Variants in GALNTL6 observed in about 807,000 individuals in gnomAD.
GALNTL6 encodes the protein polypeptide N-acetylgalactosaminyltransferase like 6.
Under a neutral mutation model 73.7 loss-of-function variants are expected in GALNTL6, and 46 were observed. The ratio of observed to expected loss-of-function variants is 0.62; its 90% CI spans 0.49 to 0.80. The LOEUF is 0.80. GALNTL6 is among the 30% of genes least tolerant of loss of function. GALNTL6 has a pLI of 0.00. For synonymous variants in GALNTL6, 259 were observed against 263.7 expected (o/e 0.98, Z 0.17); for missense variants, 604 against 755.0 (o/e 0.80, Z 2.34).
intron 3 of GALNTL6, among the ~76,000 whole-genome samples, chr4:172,280,707 T>C (rs1739015076): frequency 1.3e-5 from 2 of 152,144 alleles, no homozygotes; most frequent in South Asian, 4.1e-4. Context: ...AAGGACTTTA[T>C]TGCAAGAGTT....
In GALNTL6 at chr4:172,432,120, A is replaced by AT. The variant is rs1174151657; in HGVS notation, c.553+83432dup. On this transcript the variant is annotated intron_variant, in intron 5 of 12. Transcript: ENST00000506823. ...AGACACTCATATTTACCTCTATCAC[A>AT]TATCATAATAGAATTCTTGAGTCAG... Among the ~76,000 whole-genome samples, 4 of 152,092 alleles carry AT rather than the reference A, an allele frequency of 2.6e-5. No individual in the cohort carries two copies. The South Asian group carries it at 6.2e-4, about 24-fold the overall frequency.
intron 2 of GALNTL6, among the ~76,000 whole-genome samples, chr4:171,971,440 T>G (rs1739566232): frequency 2.6e-5 from 4 of 152,324 alleles, no homozygotes; most frequent in Admixed American, 2.6e-4. Context: ...TATTTTGAAT[T>G]TATAATTGGG....
intron 5 of GALNTL6, among the ~76,000 whole-genome samples, chr4:172,512,802 G>A (rs958187643): frequency 2.0e-5 from 3 of 152,218 alleles, no homozygotes. Context: ...GGTTTCTGCT[G>A]AGAAATCTGC....
chr4:172,229,530 T>C (rs1736982032), intron 2 of GALNTL6, 126 bp from the exon 3 acceptor site: 2 of 612,990 alleles, frequency 3.3e-6, no homozygotes, highest in East Asian at 5.5e-5. Flanking sequence ...TTCTTTTCAT[T>C]ATACTCAGAA....
rs1732273338 is a variant in GALNTL6, at chr4:172,453,163, T to C, written c.553+104474T>C. Among the ~76,000 whole-genome samples the C allele has an allele frequency of 2.0e-5, 3 of 151,948 alleles. 1 individual carries two copies. The South Asian group carries it at 6.2e-4, about 31-fold the overall frequency. On this transcript the variant is annotated intron_variant, in intron 5 of 12. Coordinates refer to ENST00000506823, the MANE Select transcript of GALNTL6 (RefSeq NM_001034845.3). ...GTTGCAGTGAGCTGAGATCCCGCCA[T>C]TGCATTCCAGCCTGGGTGACAGCAC...
At chr4:172,736,525 T>A (rs1736471535) in intron 5 of GALNTL6, among the ~76,000 whole-genome samples, 1 of 152,202 alleles carries the variant, frequency 6.6e-6, no homozygotes, top group South Asian at 2.1e-4. Flanking sequence ...ACAAACAATT[T>A]GTGCAGATAA....
chr4:172,707,173 T>A (rs1734407260), intron 5 of GALNTL6, among the ~76,000 whole-genome samples: 1 of 152,216 alleles, frequency 6.6e-6, no homozygotes, highest in African/African-American at 2.4e-5. Context: ...TTTTTCATTT[T>A]TCTGTGGCCC....
intron 5 of GALNTL6, among the ~76,000 whole-genome samples, chr4:172,609,247 T>G (rs1267785932): frequency 6.6e-6 from 1 of 152,140 alleles, no homozygotes; most frequent in Non-Finnish European, 1.5e-5. Context: ...TATTTCTAGA[T>G]TTTGCCCATT....
intron 5 of GALNTL6, among the ~76,000 whole-genome samples, chr4:172,772,390 G>C (rs1423540274): frequency 6.6e-6 from 1 of 152,118 alleles, no homozygotes; most frequent in East Asian, 1.9e-4. Context: ...TTGGTTTTGT[G>C]GGTGATAAGA....
chr4:171,941,362 C>T (rs1001640581), intron 2 of GALNTL6, among the ~76,000 whole-genome samples: 1 of 152,204 alleles, frequency 6.6e-6, no homozygotes, highest in African/African-American at 2.4e-5. Context: ...AAACCATTAA[C>T]CTTGCAATAT....
chr4:171,948,962 T>TACACAC (rs3080339), intron 2 of GALNTL6, among the ~76,000 whole-genome samples: 1 of 123,586 alleles, frequency 8.1e-6, no homozygotes, highest in African/African-American at 2.6e-5. Context: ...CATATATATA[T>TACACAC]ACACACACAC....
chr4:172,222,005 GT>G (rs1736691841), intron 2 of GALNTL6, among the ~76,000 whole-genome samples: 2 of 151,782 alleles, frequency 1.3e-5, no homozygotes, highest in Non-Finnish European at 3.0e-5. Flanking sequence ...AGAAGCTTCT[GT>G]TTACTAACAA....
chr4:172,193,821 C>T (rs928046574), intron 2 of GALNTL6, among the ~76,000 whole-genome samples: 2 of 152,108 alleles, frequency 1.3e-5, no homozygotes, highest in Non-Finnish European at 2.9e-5. Context: ...TGAGATCGGG[C>T]CACTCACTCC....
intron 5 of GALNTL6, among the ~76,000 whole-genome samples, chr4:172,447,620 G>A (rs1334307321): frequency 6.6e-6 from 1 of 152,172 alleles, no homozygotes; most frequent in African/African-American, 2.4e-5. Context: ...AGTAAATGGA[G>A]ATACTAATGC....
At position 172,855,078 on chromosome 4, in the gene GALNTL6, T is replaced by C. The variant is rs10025521; in HGVS notation, c.924-27712T>C. Among the ~76,000 whole-genome samples the C allele has an allele frequency of 3.7e-3, 568 of 151,832 alleles. 3 individuals are homozygous for C. The highest frequency in any genetic ancestry group is 0.013 in the African/African-American group (518 of 41,412). On this transcript the variant is annotated intron_variant, in intron 7 of 12. Coordinates refer to ENST00000506823, the MANE Select transcript of GALNTL6 (RefSeq NM_001034845.3). ...AGACAGAATTTAAAATAATCCATCA[T>C]CTAAGTTCAAGCAAAGCTATGTTTT...
chr4:172,315,094 A>C (rs2111152784), intron 4 of GALNTL6, among the ~76,000 whole-genome samples: 2 of 152,336 alleles, frequency 1.3e-5, no homozygotes, highest in South Asian at 2.1e-4. Flanking sequence ...CCAAAAAATA[A>C]ATTTCAAGCT....
At chr4:172,544,135 T>C (rs1353852489) in intron 5 of GALNTL6, among the ~76,000 whole-genome samples, 2 of 152,190 alleles carry the variant, frequency 1.3e-5, no homozygotes, top group African/African-American at 4.8e-5. Context: ...GTTGTGCCAC[T>C]TGGCTCACAG....
chr4:172,353,193 C>A (rs1373848740), intron 5 of GALNTL6, among the ~76,000 whole-genome samples: 1 of 152,124 alleles, frequency 6.6e-6, no homozygotes, highest in African/African-American at 2.4e-5. Context: ...GTAATCCCAG[C>A]ACTTTGGGAG....
chr4:172,216,745 A>G (rs1408080655), intron 2 of GALNTL6, among the ~76,000 whole-genome samples: 1 of 152,182 alleles, frequency 6.6e-6, no homozygotes, highest in Non-Finnish European at 1.5e-5. Context: ...GCCAAATATG[A>G]GTGACCATGG....
Sources: allele counts gnomAD v4.1 joint callset (sites outside exome capture counted in the v4.1 genomes callset), GRCh38; gene constraint gnomAD v4.1.1; transcripts MANE v1.5; gene names NCBI Gene and HGNC (gene_info 2026-07-23, HGNC 2026-07-21).